The following ACSM3 variants were observed in gnomAD, a reference collection of about 807,000 sequenced individuals.
The protein encoded by ACSM3 is acyl-coenzyme A synthetase ACSM3, mitochondrial.
Under a neutral mutation model 74.1 loss-of-function variants are expected in ACSM3, and 61 were observed. That is an observed-to-expected ratio of 0.82 (90% CI 0.67 to 1.02). The LOEUF is 1.02. Among genes scored for constraint, ACSM3 ranks in the 50% least tolerant of loss-of-function variants. ACSM3 has a pLI of 0.00. For missense variants in ACSM3, 660 were observed against 697.0 expected (o/e 0.95, Z 0.60); for synonymous variants, 213 against 241.5 (o/e 0.88, Z 1.09).
intron 1 of ACSM3, among the ~76,000 whole-genome samples, chr16:20,704,967 A>C (rs1689647746): frequency 6.6e-6 from 1 of 152,234 alleles, no homozygotes. Context: ...TAGGGCTTTC[A>C]CTTCAAGTAT....
intron 1 of ACSM3, chr16:20,675,998 C>A (rs1478206555): frequency 6.6e-6 from 1 of 152,224 alleles, no homozygotes; most frequent in African/African-American, 2.4e-5. Context: ...AAAGAGAAAA[C>A]CAGTTTTGCA....
rs770276890 is a variant in ACSM3 at position 20,777,609 on chromosome 16, C to T, written c.638+29C>T. 3.0e-5 allele frequency: 47 copies of T among 1,580,260 alleles called. No homozygotes were observed. The Admixed American group carries it at 7.5e-4, about 25-fold the overall frequency. ...AGTAGCCACACTTGTTGTAAAACAG[C>T]TTCCCAAAAGGAAAGGCAACAATAA... On this transcript the variant is annotated intron_variant, in intron 4 of 13. Transcript: ENST00000289416.
intron 1 of ACSM3, chr16:20,737,755 C>A (rs764908847): frequency 6.2e-7 from 1 of 1,613,640 alleles, no homozygotes; most frequent in South Asian, 1.1e-5. Context: ...ACTGTTATTT[C>A]GAGATTTGTA....
chr16:20,784,998 G>C lies in ACSM3; in HGVS notation c.1034G>C (p.Ser345Thr), dbSNP rs1160286789. Residue 345 changes from serine to threonine, a missense_variant, in exon 8 of 14, where the codon AGC becomes ACC. Transcript: ENST00000289416. ...QNDITSYKFK[S>T]LKHCVSAGEP... ...TTTCTGAGAAGCTATAAGTTTAAAA[G>C]CTTAAAGCACTGTGTGAGTGCTGGG... 6.2e-7 allele frequency: 1 copy of C among 1,613,134 alleles called. No homozygotes were observed. The highest frequency in any genetic ancestry group is 8.5e-7 in the Non-Finnish European group (1 of 1,179,556).
intron 1 of ACSM3, among the ~76,000 whole-genome samples, chr16:20,722,524 G>C (rs574864318): frequency 2.3e-4 from 35 of 152,174 alleles, no homozygotes; most frequent in African/African-American, 7.9e-4. Context: ...CCCAGCAAAT[G>C]TTTAAAAATT....
At chr16:20,771,186 C>T (rs552391114) in intron 2 of ACSM3, among the ~76,000 whole-genome samples, 7 of 152,194 alleles carry the variant, frequency 4.6e-5, no homozygotes, top group South Asian at 2.1e-4. Flanking sequence ...CTCAGCCTCC[C>T]GAGTAGCCGG....
chr16:20,716,956 TAACCCA>T (rs2079764085), intron 1 of ACSM3, among the ~76,000 whole-genome samples: 1 of 152,202 alleles, frequency 6.6e-6, no homozygotes, highest in African/African-American at 2.4e-5. Context: ...TTGGATTTAG[TAACCCA>T]AATACAAGCG....
At chr16:20,785,236 A>G in intron 8 of ACSM3, 129 bp downstream of exon 8, 3 of 1,314,510 alleles carry the variant, frequency 2.3e-6, no homozygotes, top group East Asian at 2.5e-5. Flanking sequence ...GTTTAAAAAA[A>G]CAATGCTTGC....
At chr16:20,689,311 A>G (rs985006842) in intron 1 of ACSM3, among the ~76,000 whole-genome samples, 3 of 152,130 alleles carry the variant, frequency 2.0e-5, no homozygotes, top group Non-Finnish European at 2.9e-5. Flanking sequence ...AATATACACA[A>G]AAGGAAATGA....
chr16:20,788,178 G>A (rs2080515847), intron 9 of ACSM3, among the ~76,000 whole-genome samples: 1 of 152,002 alleles, frequency 6.6e-6, no homozygotes, highest in African/African-American at 2.4e-5. Flanking sequence ...GCCCAAACAG[G>A]CTTAACAATA....
chr16:20,733,996 A>G (rs1251450231), intron 1 of ACSM3: 1 of 152,220 alleles, frequency 6.6e-6, no homozygotes, highest in Non-Finnish European at 1.5e-5. Flanking sequence ...CAGTGAAAAT[A>G]AACAGTTGAT....
At chr16:20,744,896 A>C (rs1209498752) in intron 1 of ACSM3, among the ~76,000 whole-genome samples, 1 of 152,190 alleles carries the variant, frequency 6.6e-6, no homozygotes, top group Non-Finnish European at 1.5e-5. Context: ...AATTCTGTTA[A>C]ATTTAATTTG....
intron 1 of ACSM3, chr16:20,741,702 C>T (rs1389144540): frequency 6.3e-7 from 1 of 1,578,488 alleles, no homozygotes; most frequent in Non-Finnish European, 8.6e-7. Context: ...GCGCTTCCCG[C>T]CGCCAGGCTG....
chr16:20,688,190 A>C lies in ACSM3; in HGVS notation c.-190+13368A>C, dbSNP rs141661377. On this transcript the variant is annotated intron_variant, in intron 1 of 3. Coordinates refer to the ACSM3 transcript ENST00000561584. ...AAATTCACTAGGGGTTCAATGGCAG[A>C]TTCAAATAGGTAGAAGAAAAAATCC... 4.5e-3 allele frequency among the ~76,000 whole-genome samples: 684 copies of C among 152,296 alleles called. 6 individuals carry two copies. The highest frequency in any genetic ancestry group is 0.015 in the African/African-American group (633 of 41,572).
intron 1 of ACSM3, among the ~76,000 whole-genome samples, chr16:20,688,106 C>G (rs1161646391): frequency 6.7e-6 from 1 of 149,796 alleles, no homozygotes; most frequent in Non-Finnish European, 1.5e-5. Context: ...AAAGAAAGAA[C>G]CAAACAATAT....
In ACSM3 at chr16:20,737,226, A is replaced by G. The variant is rs753582979; in HGVS notation, c.-189-12684A>G. ...GACAGCTTTGATGATTTCTACTACCACTGTGTACTGTGGATTGGTGAGATC... is the reference window on the plus strand; with the variant it reads ...GACAGCTTTGATGATTTCTACTACCGCTGTGTACTGTGGATTGGTGAGATC... On this transcript the variant is annotated intron_variant, in intron 1 of 3. Coordinates refer to the ACSM3 transcript ENST00000561584. 4 of 1,614,148 alleles carry G rather than the reference A, an allele frequency of 2.5e-6. No individual in the cohort carries two copies. In the South Asian group the frequency reaches 4.4e-5, roughly 18 times the overall value.
intron 1 of ACSM3, among the ~76,000 whole-genome samples, chr16:20,689,789 G>T (rs915141247): frequency 2.6e-5 from 4 of 152,030 alleles, no homozygotes; most frequent in African/African-American, 9.7e-5. Context: ...TCTGGGCAAT[G>T]AAAAAAATGA....
chr16:20,717,811 AAAG>A (rs939781983), intron 1 of ACSM3, among the ~76,000 whole-genome samples: 4 of 151,518 alleles, frequency 2.6e-5, no homozygotes, highest in African/African-American at 7.3e-5. Context: ...AAGCTTAAAA[AAAG>A]AAGAAGAGGA....
At chr16:20,710,087 G>C (rs1025636123) in intron 1 of ACSM3, among the ~76,000 whole-genome samples, 2 of 152,210 alleles carry the variant, frequency 1.3e-5, no homozygotes, top group African/African-American at 4.8e-5. Context: ...GGACGTGCAT[G>C]TTCTTTCTGC....
Sources: allele counts gnomAD v4.1 joint callset (sites outside exome capture counted in the v4.1 genomes callset), GRCh38; gene constraint gnomAD v4.1.1; transcripts MANE v1.5; gene names NCBI Gene and HGNC (gene_info 2026-07-23, HGNC 2026-07-21).